Variants in SMOC2 observed in about 807,000 individuals in gnomAD.
SMOC2 encodes the protein SPARC-related modular calcium-binding protein 2.
In SMOC2, 39 loss-of-function variants were observed where a neutral mutation model predicts 61.4. The ratio of observed to expected loss-of-function variants is 0.64; its 90% CI spans 0.49 to 0.83. SMOC2 has a LOEUF of 0.83. SMOC2 is among the 40% of genes least tolerant of loss of function. SMOC2 has a pLI of 0.00. For synonymous variants in SMOC2, 247 were observed against 239.9 expected, an observed-to-expected ratio of 1.03 and a Z score of -0.27; for missense variants, 556 against 592.9, an observed-to-expected ratio of 0.94 and a Z score of 0.65.
chr6:168,496,859 G>A (rs1186503779), intron 1 of SMOC2, among the ~76,000 whole-genome samples: 1 of 152,240 alleles, frequency 6.6e-6, no homozygotes. Context: ...CTGGGCTATC[G>A]CATAGTGTAA....
intron 9 of SMOC2, among the ~76,000 whole-genome samples, chr6:168,630,546 G>T (rs535532753): frequency 6.6e-6 from 1 of 152,154 alleles, no homozygotes; most frequent in Non-Finnish European, 1.5e-5. Flanking sequence ...TGTAGAGCAC[G>T]TGTGTTTAAA....
chr6:168,494,079 C>A (rs1416447765), intron 1 of SMOC2, among the ~76,000 whole-genome samples: 1 of 152,166 alleles, frequency 6.6e-6, no homozygotes, highest in East Asian at 1.9e-4. Flanking sequence ...TCATTGTTTT[C>A]TTGGTTTGAC....
At chr6:168,637,459 T>C (rs1786768302) in intron 9 of SMOC2, among the ~76,000 whole-genome samples, 1 of 152,232 alleles carries the variant, frequency 6.6e-6, no homozygotes, top group South Asian at 2.1e-4. Flanking sequence ...TAATGGAATA[T>C]GCTTTTCTAC....
At chr6:168,449,232 A>T (rs548356375) in intron 1 of SMOC2, among the ~76,000 whole-genome samples, 1 of 152,246 alleles carries the variant, frequency 6.6e-6, no homozygotes, top group South Asian at 2.1e-4. Flanking sequence ...GGCGTTTCTT[A>T]TAACGTTGAG....
chr6:168,551,272 T>C (rs1784122984), intron 7 of SMOC2, among the ~76,000 whole-genome samples: 1 of 152,186 alleles, frequency 6.6e-6, no homozygotes, highest in African/African-American at 2.4e-5. Context: ...CTCTTTCGTT[T>C]ATAAATTGCC....
At chr6:168,443,302 T>C (rs1781259305) in intron 1 of SMOC2, among the ~76,000 whole-genome samples, 1 of 152,164 alleles carries the variant, frequency 6.6e-6, no homozygotes, top group Non-Finnish European at 1.5e-5. Flanking sequence ...GGTTTTCTTG[T>C]CTTCTCTCCC....
intron 2 of SMOC2, among the ~76,000 whole-genome samples, chr6:168,524,660 G>A (rs370525887): frequency 9.0e-4 from 137 of 152,356 alleles, no homozygotes; most frequent in African/African-American, 3.2e-3. Context: ...AAAAAACGAG[G>A]ACAGAAGTCC....
chr6:168,481,998 G>A (rs1462214413), intron 1 of SMOC2, among the ~76,000 whole-genome samples: 1 of 151,444 alleles, frequency 6.6e-6, no homozygotes, highest in Non-Finnish European at 1.5e-5. Context: ...ATAAGAACAA[G>A]CTAAACCTAA....
chr6:168,565,448 T>C (rs1403100856), intron 7 of SMOC2, among the ~76,000 whole-genome samples: 2 of 152,194 alleles, frequency 1.3e-5, no homozygotes, highest in African/African-American at 4.8e-5. Flanking sequence ...CTCAGTTTGC[T>C]CCTTAGATGT....
intron 7 of SMOC2, among the ~76,000 whole-genome samples, chr6:168,560,317 T>G (rs1227283117): frequency 6.6e-6 from 1 of 152,242 alleles, no homozygotes; most frequent in Admixed American, 6.5e-5. Context: ...GAAGAAGTCA[T>G]TTCAAAAGCA....
At chr6:168,442,676 A>C (rs1781242488) in intron 1 of SMOC2, among the ~76,000 whole-genome samples, 1 of 152,248 alleles carries the variant, frequency 6.6e-6, no homozygotes, top group African/African-American at 2.4e-5. Flanking sequence ...TCTGCCTTTC[A>C]GCAAATTTAA....
At chr6:168,508,344 G>A (rs753719086) in intron 1 of SMOC2, among the ~76,000 whole-genome samples, 3 of 152,198 alleles carry the variant, frequency 2.0e-5, no homozygotes, top group Admixed American at 2.0e-4. Context: ...CTTCAAGATA[G>A]CAGAGCAGCC....
At chr6:168,460,780 T>G (rs1421985020) in intron 1 of SMOC2, among the ~76,000 whole-genome samples, 1 of 152,260 alleles carries the variant, frequency 6.6e-6, no homozygotes, top group South Asian at 2.1e-4. Flanking sequence ...GAACTCATTT[T>G]GGTGGAAATG....
intron 7 of SMOC2, among the ~76,000 whole-genome samples, chr6:168,570,654 T>C (rs1784644160): frequency 6.6e-6 from 1 of 152,120 alleles, no homozygotes; most frequent in African/African-American, 2.4e-5. Flanking sequence ...CAACAAGATA[T>C]GTAGGAAATT....
At chr6:168,463,120 G>A (rs1016480907) in intron 1 of SMOC2, among the ~76,000 whole-genome samples, 8 of 152,232 alleles carry the variant, frequency 5.3e-5, no homozygotes, top group Non-Finnish European at 7.3e-5. Flanking sequence ...TGTGACAGGG[G>A]CTCTGCTCCC....
chr6:168,526,456 A>G lies in SMOC2; in HGVS notation c.363+4A>G. On this transcript the variant is annotated splice_donor_region_variant and intron_variant, in intron 3 of 12. Coordinates refer to ENST00000356284, the MANE Select transcript of SMOC2 (RefSeq NM_001166412.2). ...TGACGACGGCACCTACAGTCAGGTT[A>G]CCGGCCTTGCTTGGGAGGTTCTGCA... 6.2e-7 allele frequency: 1 copy of G among 1,613,380 alleles called. No homozygotes were observed.
intron 1 of SMOC2, among the ~76,000 whole-genome samples, chr6:168,503,849 A>G (rs1033342691): frequency 3.3e-5 from 5 of 152,100 alleles, no homozygotes; most frequent in African/African-American, 1.2e-4. Context: ...AAAACGCACC[A>G]CAAAATTGGT....
At chr6:168,568,759 G>A (rs1028043319) in intron 7 of SMOC2, among the ~76,000 whole-genome samples, 1 of 152,164 alleles carries the variant, frequency 6.6e-6, no homozygotes, top group Admixed American at 6.5e-5. Flanking sequence ...CAGAATGTCA[G>A]AGAGTCTGAC....
Position 168,553,162 on chromosome 6 carries a change from T to C in SMOC2, c.637+3959T>C, listed in dbSNP as rs1309825475. Among the ~76,000 whole-genome samples the C allele has an allele frequency of 1.3e-5, 2 of 152,180 alleles. No individual in the cohort carries two copies. Among genetic ancestry groups the C allele is most frequent in the Admixed American group, 1.3e-4 (2 of 15,282 alleles). ...GATTTAAATTTAATAAATATATAAGTCAAACATTCTCTTGGCTCATTTAGT... is the reference window on the plus strand; with the variant it reads ...GATTTAAATTTAATAAATATATAAGCCAAACATTCTCTTGGCTCATTTAGT... On this transcript the variant is annotated intron_variant, in intron 7 of 12. Transcript: ENST00000356284. This position sits in a 1 kb window ranked among gnomAD's most constrained non-coding sequence, Gnocchi z 4.2.
Sources: allele counts gnomAD v4.1 joint callset (sites outside exome capture counted in the v4.1 genomes callset), GRCh38; gene constraint gnomAD v4.1.1; non-coding constraint Gnocchi (gnomAD v3.1); transcripts MANE v1.5; gene names NCBI Gene and HGNC (gene_info 2026-07-23, HGNC 2026-07-21).